The following MYH7B variants were observed in gnomAD, a reference collection of about 807,000 sequenced individuals.
MYH7B encodes the protein myosin-7B.
A neutral mutation model predicts 234.5 loss-of-function variants in MYH7B; 205 were observed. The observed-to-expected ratio is 0.87, with a 90% CI of 0.78 to 0.98. MYH7B has a LOEUF of 0.98. Ranked by LOEUF, MYH7B falls within the 50% of genes least tolerant of loss-of-function variation. The pLI, the probability that MYH7B is intolerant of heterozygous loss-of-function variation, is 0.00. For missense variants in MYH7B, 2,652 were observed against 2,633.4 expected, an observed-to-expected ratio of 1.01 and a Z score of -0.15; for synonymous variants, 1,193 against 1,105.0, an observed-to-expected ratio of 1.08 and a Z score of -1.58.
chr20:34,994,099 G>A (rs774740994), intron 26 of MYH7B, 47 bp from the exon 27 acceptor site: 4 of 1,595,254 alleles, frequency 2.5e-6, no homozygotes, highest in Middle Eastern at 1.7e-4. Flanking sequence ...CACCATTTGT[G>A]ACGGGCAGCA....
At position 35,001,522 on chromosome 20, in the gene MYH7B, A is replaced by C. The variant is rs754790191; in HGVS notation, c.5672A>C (p.Glu1891Ala). Residue 1891 changes from glutamate to alanine, a missense_variant, in exon 43 of 45, where the codon GAG (glutamate) becomes GCG (alanine). Transcript: ENST00000262873. ...AAGAGCTACAAGCGCCAGTTTGAGG[A>C]GGCGGTGAGTGCGCTGGGGCCTGGA... is the stretch of plus-strand genomic sequence containing the variant. 6 of 1,606,908 alleles carry C rather than the reference A, an allele frequency of 3.7e-6. No homozygotes were observed. Among genetic ancestry groups the C allele is most frequent in the Admixed American group, 1.7e-5 (1 of 58,818 alleles).
At chr20:34,995,225 A>G in intron 27 of MYH7B, 111 bp from the exon 28 acceptor site, 1 of 991,304 alleles carries the variant, frequency 1.0e-6, no homozygotes, top group East Asian at 2.7e-5. Context: ...TTCTCAGAGC[A>G]CAGCCAAACT....
chr20:34,982,255 G>A (rs149850099), intron 9 of MYH7B, among the ~76,000 whole-genome samples: 5 of 152,208 alleles, frequency 3.3e-5, no homozygotes, highest in Non-Finnish European at 5.9e-5. Context: ...GTCCGTAGTG[G>A]ACAATGGCAT....
At chr20:34,968,326 G>A (rs2081761560) in intron 2 of MYH7B, among the ~76,000 whole-genome samples, 1 of 152,214 alleles carries the variant, frequency 6.6e-6, no homozygotes, top group Admixed American at 6.5e-5. Flanking sequence ...TATTTACATA[G>A]TGCTTATGAT....
At chr20:34,982,147 T>C (rs1189305825) in intron 9 of MYH7B, 2 of 325,004 alleles carry the variant, frequency 6.2e-6, no homozygotes, top group Non-Finnish European at 1.1e-5. Flanking sequence ...TGAGGCCCAG[T>C]TCCTTGTTCC....
In MYH7B at chr20:34,962,839, T is replaced by C. The variant is rs553426934; in HGVS notation, c.-222+4627T>C. Among the ~76,000 whole-genome samples, 5 of 152,316 alleles carry C rather than the reference T, an allele frequency of 3.3e-5. No individual in the cohort carries two copies. The East Asian group carries it at 9.7e-4, about 29-fold the overall frequency. ...TCGGCCGGGTGCAGTGGCTCACGCCTGTCATCCCAGAACCTCAGGAGACCA... is the reference window on the plus strand; with the variant it reads ...TCGGCCGGGTGCAGTGGCTCACGCCCGTCATCCCAGAACCTCAGGAGACCA... On this transcript the variant is annotated intron_variant, in intron 2 of 44. Coordinates refer to ENST00000262873, the Ensembl canonical transcript of MYH7B.
intron 2 of MYH7B, among the ~76,000 whole-genome samples, chr20:34,968,628 CAT>C: frequency 6.6e-6 from 1 of 152,330 alleles, no homozygotes; most frequent in Non-Finnish European, 1.5e-5. Context: ...CTATTCTTAG[CAT>C]AGTTTGGAGC....
chr20:34,989,327 A>G (rs537381362), intron 19 of MYH7B, among the ~76,000 whole-genome samples: 6 of 152,346 alleles, frequency 3.9e-5, no homozygotes, highest in Non-Finnish European at 7.3e-5. Context: ...TCTGCAGGTT[A>G]GAAGACTGAG....
intron 28 of MYH7B, 123 bp from the exon 29 acceptor site, chr20:34,996,223 G>C: frequency 1.7e-6 from 2 of 1,150,898 alleles, no homozygotes; most frequent in East Asian, 2.6e-5. Context: ...GTGGAGGCTC[G>C]GAGTCAAGTG....
At chr20:34,979,859 T>C (rs1483705533) in intron 7 of MYH7B, 55 bp downstream of exon 7, 1 of 1,577,798 alleles carries the variant, frequency 6.3e-7, no homozygotes, top group Non-Finnish European at 8.6e-7. Flanking sequence ...GGGGCGGGGC[T>C]AGAGATGAGG....
At chr20:34,995,286 T>C (rs1473193955) in intron 27 of MYH7B, 50 bp from the exon 28 acceptor site, 2 of 1,582,138 alleles carry the variant, frequency 1.3e-6, no homozygotes, top group South Asian at 2.3e-5. Flanking sequence ...GTCTCTCTGC[T>C]GGTTTACCTG....
Position 34,986,254 on chromosome 20 carries a change from C to T in MYH7B, c.904+56C>T, listed in dbSNP as rs562646755. The stretch of plus-strand genomic sequence containing the variant: ...GTCAGAACCTGGAGGGGCTGCCTGG[C>T]GCTTCCTGGCCCCCATCAGGCCAGG... On this transcript the variant is annotated intron_variant, in intron 14 of 44. Transcript: ENST00000262873. 3.3e-3 allele frequency: 4,589 copies of T among 1,399,312 alleles called. 17 individuals are homozygous for T. The highest frequency in any genetic ancestry group is 4.2e-3 in the Non-Finnish European group (4,187 of 1,008,550). The allele number at this position is 1,399,312 out of a possible 1,614,324, so 86.7% of individuals were successfully genotyped here.
chr20:34,984,020 C>A, intron 10 of MYH7B, among the ~76,000 whole-genome samples: 1 of 152,196 alleles, frequency 6.6e-6, no homozygotes, highest in East Asian at 1.9e-4. Flanking sequence ...ACACACAGGA[C>A]CGCTGTGGCG....
At chr20:34,996,876 G>T in intron 30 of MYH7B, 118 bp downstream of exon 30, 1 of 1,415,658 alleles carries the variant, frequency 7.1e-7, no homozygotes, top group Non-Finnish European at 9.5e-7. Flanking sequence ...GTTGACAGAT[G>T]GGGCACTGGG....
chr20:34,979,562 C>T, intron 6 of MYH7B, 66 bp downstream of exon 6: 1 of 1,598,584 alleles, frequency 6.3e-7, no homozygotes, highest in Non-Finnish European at 8.6e-7. Flanking sequence ...CAGGATCTGC[C>T]CTCTGGTTGA....
At chr20:34,988,806 CTTTTT>C (rs36001113) in intron 19 of MYH7B, among the ~76,000 whole-genome samples, 35 of 113,184 alleles carry the variant, frequency 3.1e-4, no homozygotes, top group South Asian at 5.5e-4. Context: ...TCCTTTATCC[CTTTTT>C]TTTTTTTTTT....
At chr20:34,979,541 C>T in intron 6 of MYH7B, 45 bp downstream of exon 6, 2 of 1,597,196 alleles carry the variant, frequency 1.3e-6, no homozygotes, top group East Asian at 2.2e-5. Flanking sequence ...GTCCCTAGGC[C>T]TCCTGGCCAA....
At position 34,993,132 on chromosome 20, in the gene MYH7B, G is replaced by A. The variant is rs200687696; in HGVS notation, c.2214G>A (p.Pro738=). Residue 738 remains proline, a synonymous_variant, in exon 25 of 45, where the codon CCG becomes CCA. Transcript: ENST00000262873. ...GTATCCTGAACCCCAGTGCCATCCC[G>A]GATGACACCTTCATGGACAGCAGGA... 401 of 1,613,716 alleles carry A rather than the reference G, an allele frequency of 2.5e-4. 1 individual carries two copies. The highest frequency in any genetic ancestry group is 2.8e-4 in the Non-Finnish European group (328 of 1,179,956).
chr20:35,001,079 A>G lies in MYH7B; in HGVS notation c.5396A>G (p.Glu1799Gly). 2 of 1,613,782 alleles carry G rather than the reference A, an allele frequency of 1.2e-6. No homozygotes were observed. The highest frequency in any genetic ancestry group is 1.7e-6 in the Non-Finnish European group (2 of 1,180,032). Residue 1799 changes from glutamate (E) to glycine (G), a missense_variant, in exon 41 of 45, where the codon GAG becomes GGG. Glu to Gly is a moderately conservative substitution (Grantham distance 98). This residue lies in a region of MYH7B where 2,279 missense variants were observed against 2,211.4 expected (regional missense o/e 1.03). Transcript: ENST00000262873. ...AAGACGCTGGAGCAGACGGTGCGCG[A>G]GCTCCAGGCCCGCCTTGAGGAGGCA...
Sources: gnomAD v4.1 joint callset for allele counts (sites outside exome capture counted in the v4.1 genomes callset) on GRCh38, gnomAD v4.1.1 for gene constraint, gnomAD v4.1.1 regional missense constraint, MANE v1.5 for transcripts, NCBI Gene and HGNC (gene_info 2026-07-23, HGNC 2026-07-21) for gene names.